Variants in QSOX1 observed in about 807,000 individuals in gnomAD.
QSOX1 encodes the protein sulfhydryl oxidase 1.
In QSOX1, 40 loss-of-function variants were observed where a neutral mutation model predicts 76.1. That is an observed-to-expected ratio of 0.53 (90% confidence interval 0.41 to 0.68). The LOEUF (loss-of-function observed/expected upper bound fraction) is 0.68. QSOX1 is among the 30% of genes least tolerant of loss of function. QSOX1 has a pLI of 0.00. For missense variants in QSOX1, 931 were observed against 974.3 expected (o/e 0.96, Z 0.59); for synonymous variants, 392 against 413.1 (o/e 0.95, Z 0.62).
intron 5 of QSOX1, among the ~76,000 whole-genome samples, chr1:180,180,202 A>G (rs1333818075): frequency 6.6e-6 from 1 of 152,176 alleles, no homozygotes; most frequent in East Asian, 1.9e-4. Flanking sequence ...GGAGCTTTAT[A>G]TTTATTTATT....
intron 1 of QSOX1, among the ~76,000 whole-genome samples, chr1:180,155,549 C>T (rs1662358522): frequency 6.6e-6 from 1 of 152,204 alleles, no homozygotes; most frequent in African/African-American, 2.4e-5. Flanking sequence ...TTGTGGCAGT[C>T]CTCTTCCTCT....
At chr1:180,160,346 A>G (rs549367085) in intron 1 of QSOX1, among the ~76,000 whole-genome samples, 18 of 151,548 alleles carry the variant, frequency 1.2e-4, no homozygotes, top group South Asian at 8.4e-4. Flanking sequence ...CCTGTTCGCT[A>G]GTAGGTAGCA....
intron 1 of QSOX1, among the ~76,000 whole-genome samples, chr1:180,155,846 A>T (rs1276424092): frequency 6.6e-6 from 1 of 152,070 alleles, no homozygotes; most frequent in Non-Finnish European, 1.5e-5. Context: ...TCAGACCCTT[A>T]TATTTTAAAC....
chr1:180,163,169 A>G (rs980057684), intron 1 of QSOX1, among the ~76,000 whole-genome samples: 1 of 151,390 alleles, frequency 6.6e-6, no homozygotes, highest in African/African-American at 2.4e-5. Context: ...AAGTTAGCCC[A>G]TTCGACCACA....
At position 180,196,344 on chromosome 1, in the gene QSOX1, G is replaced by A; in HGVS notation, c.1551G>A (p.Leu517=). 6.2e-7 allele frequency: 1 copy of A among 1,614,168 alleles called. No homozygotes were observed. Among genetic ancestry groups the A allele is most frequent in the South Asian group, 1.1e-5 (1 of 91,072 alleles). ...GTTCTGCCTGCCACAATGAACGCCT[G>A]GATGTGCCCGTGTGGGACGTGGAAG... is the stretch of plus-strand genomic sequence containing the variant. ...ELCSACHNER[L]DVPVWDVEAT... is the part of the protein sequence containing the mutation. Residue 517 remains leucine (L), a synonymous_variant, in exon 12 of 12, where the codon CTG becomes CTA. Transcript: ENST00000367602. The surrounding 1 kb of genome is among the most constrained non-coding windows in gnomAD (Gnocchi z 4.1).
chr1:180,164,926 G>A (rs1662578327), intron 1 of QSOX1, among the ~76,000 whole-genome samples: 1 of 152,148 alleles, frequency 6.6e-6, no homozygotes, highest in Non-Finnish European at 1.5e-5. Flanking sequence ...GGAAGCAGGA[G>A]GGGGTTGGGA....
chr1:180,167,014 A>C (rs553177463), intron 2 of QSOX1, among the ~76,000 whole-genome samples: 93 of 152,372 alleles, frequency 6.1e-4, no homozygotes, highest in Middle Eastern at 3.4e-3. Flanking sequence ...CTCAGGCAGC[A>C]GGGATCCCCG....
chr1:180,197,495 C>T lies in QSOX1; in HGVS notation c.*458C>T, dbSNP rs890680726. The T allele has an allele frequency of 2.8e-5, 34 of 1,229,270 alleles. No homozygotes were observed. The highest frequency in any genetic ancestry group is 5.3e-5 in the South Asian group (4 of 75,296). The allele number at this position is 1,229,270 out of a possible 1,614,324, so 76.1% of individuals were successfully genotyped here. A position where few individuals can be genotyped will look rare whatever the true frequency, so the allele number is the denominator to read the frequency against. ...GGGCTCCGCCCACCCTGCTCCCTTC[C>T]GGACAATGAAGAAGCCTTTGCACCC... On this transcript the variant is annotated 3_prime_UTR_variant, in exon 12 of 12. Transcript: ENST00000367602.
At chr1:180,194,133 G>A (rs903535005) in intron 10 of QSOX1, 80 bp from the exon 11 acceptor site, 65 of 1,386,878 alleles carry the variant, frequency 4.7e-5, no homozygotes, top group Non-Finnish European at 5.4e-5. Flanking sequence ...GATGGGGGGC[G>A]GCAGGGTGGC....
chr1:180,175,156 CAA>C (rs397982130), intron 2 of QSOX1, among the ~76,000 whole-genome samples, 163 bp from the exon 3 acceptor site: 2 of 136,728 alleles, frequency 1.5e-5, no homozygotes, highest in African/African-American at 2.8e-5. Flanking sequence ...GACTCTGTCT[CAA>C]AAAAAAAAAA....
Position 180,189,609 on chromosome 1 carries a change from A to G in QSOX1, c.1075A>G (p.Lys359Glu), listed in dbSNP as rs1434605561. 1 of 1,613,338 alleles carries G rather than the reference A, an allele frequency of 6.2e-7. No individual in the cohort carries two copies. The highest frequency in any genetic ancestry group is 8.5e-7 in the Non-Finnish European group (1 of 1,179,534). The change falls in exon 9 of 12, where the codon AAG becomes GAG. Residue 359 changes from lysine (K) to glutamate (E), a missense_variant. Coordinates refer to ENST00000367602, the MANE Select transcript of QSOX1 (RefSeq NM_002826.5). ...CCTGCACTCCGTGAATGAATGGCTC[A>G]AGAGGCAGAAGAGAAATAAAATTCC... ...NFLHSVNEWL[K>E]RQKRNKIPYS...
rs1663576206 is a variant in QSOX1 at position 180,199,108 on chromosome 1, T to G, written c.*2071T>G. 6.6e-6 allele frequency: 1 copy of G among 152,282 alleles called. No homozygotes were observed. Among genetic ancestry groups the G allele is most frequent in the African/African-American group, 2.4e-5 (1 of 41,458 alleles). The allele number at this position is 152,282 out of a possible 1,614,324, so 9.4% of individuals were successfully genotyped here. On this transcript the variant is annotated 3_prime_UTR_variant, in exon 12 of 12. Coordinates refer to ENST00000367602, the MANE Select transcript of QSOX1 (RefSeq NM_002826.5). ...TGGTGTGGACCTCCCACCTCACAGC[T>G]GCCTCTGGCAGCCAAGCCTCTTTTC...
intron 8 of QSOX1, among the ~76,000 whole-genome samples, chr1:180,187,311 A>G (rs1461082116): frequency 1.3e-5 from 2 of 152,204 alleles, no homozygotes; most frequent in African/African-American, 2.4e-5. Context: ...CATTGCCATA[A>G]TAGAGACCTT....
chr1:180,196,969 G>A lies in QSOX1; in HGVS notation c.2176G>A (p.Ala726Thr). The A allele has an allele frequency of 6.2e-7, 1 of 1,611,852 alleles. No homozygotes were observed. The highest frequency in any genetic ancestry group is 8.5e-7 in the Non-Finnish European group (1 of 1,178,586). Residue 726 changes from alanine to threonine, a missense_variant, in exon 12 of 12, where the codon GCC (alanine) becomes ACC (threonine). By Grantham distance (58) the Ala-to-Thr change is moderately conservative. Coordinates refer to ENST00000367602, the MANE Select transcript of QSOX1 (RefSeq NM_002826.5). This position sits in a 1 kb window ranked among gnomAD's most constrained non-coding sequence, Gnocchi z 4.1. The stretch of plus-strand genomic sequence containing the variant: ...TTCCCTGTCCTTCATGGGCCTGCTG[G>A]CCATGTACACCTACTTCCAGGCCAA... ...LYSLSFMGLL[A>T]MYTYFQAKIR...
chr1:180,184,134 C>T lies in QSOX1; in HGVS notation c.887+84C>T, dbSNP rs1477530729. 6 of 1,492,148 alleles carry T rather than the reference C, an allele frequency of 4.0e-6. No homozygotes were observed. In the African/African-American group the frequency reaches 4.1e-5, roughly 10 times the overall value. 92.4% of individuals were successfully genotyped at this position (1,492,148 alleles called of 1,614,324 possible). ...ACCTTCACACCCACGCCCTCTTGCT[C>T]ATTCTTCTTCCTTGTCATATGATTA... is the stretch of plus-strand genomic sequence containing the variant. On this transcript the variant is annotated intron_variant, in intron 7 of 11. Coordinates refer to ENST00000367602, the MANE Select transcript of QSOX1 (RefSeq NM_002826.5).
intron 10 of QSOX1, among the ~76,000 whole-genome samples, chr1:180,193,862 T>C (rs1212661714): frequency 6.6e-6 from 1 of 152,046 alleles, no homozygotes; most frequent in Non-Finnish European, 1.5e-5. Flanking sequence ...GCTAGGGCGG[T>C]GGCCCTCTGG....
At chr1:180,155,309 A>G in intron 1 of QSOX1, 137 bp downstream of exon 1, 1 of 799,868 alleles carries the variant, frequency 1.3e-6, no homozygotes, top group Non-Finnish European at 1.8e-6. Context: ...CGCGCATCCC[A>G]CGCCCACCAC....
At chr1:180,166,396 A>C (rs757886586) in intron 1 of QSOX1, 95 bp from the exon 2 acceptor site, 24 of 926,606 alleles carry the variant, frequency 2.6e-5, no homozygotes, top group Non-Finnish European at 3.8e-5. Context: ...AGGTGCTTTG[A>C]GGTTGGCAGG....
chr1:180,164,422 C>G (rs761514458), intron 1 of QSOX1, among the ~76,000 whole-genome samples: 1 of 152,198 alleles, frequency 6.6e-6, no homozygotes, highest in Non-Finnish European at 1.5e-5. Flanking sequence ...CCCAACCCCC[C>G]ACCCACCTCC....
Sources: allele counts gnomAD v4.1 joint callset (sites outside exome capture counted in the v4.1 genomes callset), GRCh38; gene constraint gnomAD v4.1.1; non-coding constraint Gnocchi (gnomAD v3.1); transcripts MANE v1.5; gene names NCBI Gene and HGNC (gene_info 2026-07-23, HGNC 2026-07-21).